The following NT5C2 variants were observed in gnomAD, a reference collection of about 807,000 sequenced individuals.
NT5C2 encodes cytosolic purine 5'-nucleotidase.
Under a neutral mutation model 76.1 loss-of-function variants are expected in NT5C2, and 58 were observed. The observed-to-expected ratio is 0.76, with a 90% confidence interval of 0.62 to 0.95. The LOEUF (loss-of-function observed/expected upper bound fraction) is 0.95. NT5C2 is among the 40% of genes least tolerant of loss of function. NT5C2 has a pLI of 0.00. For synonymous variants in NT5C2, 229 were observed against 237.4 expected (o/e 0.96, Z 0.32); for missense variants, 478 against 690.3 (o/e 0.69, Z 3.45).
intron 4 of NT5C2, chr10:103,125,489 C>A (rs574512598): frequency 1.4e-4 from 29 of 208,940 alleles, no homozygotes; most frequent in Non-Finnish European, 2.7e-4. Flanking sequence ...CACTTAACAG[C>A]TGCTGGCTAG....
chr10:103,187,195 C>T (rs138918551), intron 1 of NT5C2, among the ~76,000 whole-genome samples: 23 of 151,694 alleles, frequency 1.5e-4, no homozygotes, highest in African/African-American at 5.1e-4. Flanking sequence ...AGTTGCAGTA[C>T]GCTGAGAGCG....
At chr10:103,181,480 T>C (rs923672528) in intron 1 of NT5C2, among the ~76,000 whole-genome samples, 152 bp from the exon 2 acceptor site, 1 of 152,092 alleles carries the variant, frequency 6.6e-6, no homozygotes, top group African/African-American at 2.4e-5. Flanking sequence ...CAACTGAAAC[T>C]GTAGGGTAAG....
In NT5C2 at chr10:103,089,385, A is replaced by G. The variant is rs186463573; in HGVS notation, c.*287T>C. On this transcript the variant is annotated 3_prime_UTR_variant, in exon 19 of 19. Transcript: ENST00000404739. ...ATACACTGACATACGGATGATTTTA[A>G]AAGTGTCACAAGCCACAGTGGAGCC... 1.3e-5 allele frequency: 4 copies of G among 309,052 alleles called. No homozygotes were observed. The Admixed American group carries it at 1.9e-4, about 15-fold the overall frequency. 19.1% of individuals were successfully genotyped at this position (309,052 alleles called of 1,614,324 possible). A position where few individuals can be genotyped will look rare whatever the true frequency, so the allele number is the denominator to read the frequency against.
intron 14 of NT5C2, among the ~76,000 whole-genome samples, 154 bp from the exon 15 acceptor site, chr10:103,093,463 C>G (rs1048696610): frequency 1.3e-5 from 2 of 152,148 alleles, no homozygotes; most frequent in East Asian, 1.9e-4. Context: ...CTTTTTACTG[C>G]CTTCTAAGAC....
At chr10:103,130,766 A>G (rs141264573) in intron 4 of NT5C2, among the ~76,000 whole-genome samples, 94 of 152,088 alleles carry the variant, frequency 6.2e-4, no homozygotes, top group African/African-American at 2.1e-3. Flanking sequence ...TTTAACATAA[A>G]AAACAGGATT....
At chr10:103,129,085 G>A (rs2077351736) in intron 4 of NT5C2, among the ~76,000 whole-genome samples, 1 of 127,754 alleles carries the variant, frequency 7.8e-6, no homozygotes, top group African/African-American at 2.9e-5. Context: ...GGGGGGGTCA[G>A]CCCCCCACCT....
chr10:103,091,130 CT>C, intron 16 of NT5C2, 134 bp from the exon 17 acceptor site: 1 of 726,170 alleles, frequency 1.4e-6, no homozygotes, highest in South Asian at 1.6e-5. Flanking sequence ...TGCCTCCCAG[CT>C]TCAAGCGATT....
chr10:103,144,155 T>C (rs1219868906), intron 3 of NT5C2, among the ~76,000 whole-genome samples: 1 of 152,198 alleles, frequency 6.6e-6, no homozygotes, highest in East Asian at 1.9e-4. Flanking sequence ...ATGTAACTAC[T>C]GAAGGCTTTT....
intron 3 of NT5C2, among the ~76,000 whole-genome samples, chr10:103,163,163 C>A (rs1184103121): frequency 2.0e-5 from 3 of 152,176 alleles, no homozygotes; most frequent in Non-Finnish European, 4.4e-5. Context: ...TATAAATATA[C>A]CACATACTGT....
intron 4 of NT5C2, among the ~76,000 whole-genome samples, chr10:103,128,064 TCTCCCTCTCCCTCTCCC>T (rs2077022481): frequency 6.7e-6 from 1 of 149,750 alleles, no homozygotes; most frequent in Non-Finnish European, 1.5e-5. Context: ...TCCCTCTCCC[TCTCCCTCTCCCTCTCCC>T]TCTCCCTCTG....
At chr10:103,157,533 T>C (rs1248485607) in intron 3 of NT5C2, among the ~76,000 whole-genome samples, 1 of 152,184 alleles carries the variant, frequency 6.6e-6, no homozygotes, top group East Asian at 1.9e-4. Flanking sequence ...TGGTGTGAAC[T>C]CATGATTTCT....
chr10:103,114,152 C>T (rs949460144), intron 4 of NT5C2, among the ~76,000 whole-genome samples: 6 of 152,292 alleles, frequency 3.9e-5, no homozygotes, highest in East Asian at 1.9e-4. Flanking sequence ...TGGTGGCTCA[C>T]GCCTGTAATC....
rs934163784 is a variant in NT5C2 at position 103,181,172 on chromosome 10, A to T, written c.-25+13T>A. ...TAAAATTTATTATATACTCTGTGCA[A>T]CTTATTGTATACCAATTATGCCACA... On this transcript the variant is annotated intron_variant, in intron 2 of 18. Transcript: ENST00000404739. 5.3e-5 allele frequency: 8 copies of T among 152,006 alleles called. No homozygotes were observed. The highest frequency in any genetic ancestry group is 1.9e-4 in the African/African-American group (8 of 41,370). The allele number at this position is 152,006 out of a possible 1,614,324, so 9.4% of individuals were successfully genotyped here. A position where few individuals can be genotyped will look rare whatever the true frequency, so the allele number is the denominator to read the frequency against.
chr10:103,120,917 C>T (rs1293442174), intron 4 of NT5C2, among the ~76,000 whole-genome samples: 2 of 152,116 alleles, frequency 1.3e-5, no homozygotes, highest in African/African-American at 4.8e-5. Flanking sequence ...AACAGATGAA[C>T]AGATAAACAA....
chr10:103,174,752 G>A (rs766342328), intron 3 of NT5C2, 106 bp downstream of exon 3: 42 of 785,038 alleles, frequency 5.4e-5, no homozygotes, highest in Non-Finnish European at 7.6e-5. Flanking sequence ...CTAGACATAC[G>A]ATCTGGGTTA....
At chr10:103,110,773 C>T (rs143844362) in intron 4 of NT5C2, among the ~76,000 whole-genome samples, 26 of 152,234 alleles carry the variant, frequency 1.7e-4, no homozygotes, top group African/African-American at 6.0e-4. Flanking sequence ...ATCATTTCAG[C>T]AACACAAACT....
In NT5C2 at chr10:103,120,270, GAA is replaced by G. The variant is rs917911935; in HGVS notation, c.176-13566_176-13565del. ...ACAGCAAAAAGCACTGGCAACAAAA[GAA>G]AAAAACAGATAAACTGGACTTCAAA... On this transcript the variant is annotated intron_variant, in intron 4 of 18. Coordinates refer to ENST00000404739, the MANE Select transcript of NT5C2 (RefSeq NM_001351169.2). Among the ~76,000 whole-genome samples, 5 of 151,770 alleles carry G rather than the reference GAA, an allele frequency of 3.3e-5. No individual in the cohort carries two copies. In the East Asian group the frequency reaches 9.7e-4, roughly 29 times the overall value.
chr10:103,113,996 T>C (rs1346595698), intron 4 of NT5C2, among the ~76,000 whole-genome samples: 1 of 152,220 alleles, frequency 6.6e-6, no homozygotes, highest in Non-Finnish European at 1.5e-5. Context: ...GTGCACATCT[T>C]GTCTAGAGGA....
intron 3 of NT5C2, among the ~76,000 whole-genome samples, chr10:103,155,936 G>A (rs1218329694): frequency 6.6e-6 from 1 of 152,132 alleles, no homozygotes; most frequent in Non-Finnish European, 1.5e-5. Context: ...AGCTGAACTG[G>A]GAGGACTGCT....
Sources: allele counts gnomAD v4.1 joint callset (sites outside exome capture counted in the v4.1 genomes callset), GRCh38; gene constraint gnomAD v4.1.1; transcripts MANE v1.5; gene names NCBI Gene and HGNC (gene_info 2026-07-23, HGNC 2026-07-21).